The following RALYL variants were observed in gnomAD, a reference collection of about 807,000 sequenced individuals.
RALYL encodes RNA-binding Raly-like protein.
RALYL carries 29 observed loss-of-function variants against 35.1 expected under a neutral mutation model. That is an observed-to-expected ratio of 0.83 (90% CI 0.61 to 1.13). The LOEUF is 1.13. Ranked by LOEUF, RALYL falls within the 50% of genes most tolerant of loss-of-function variation. The pLI, the probability that RALYL is intolerant of heterozygous loss-of-function variation, is 0.00. For missense variants in RALYL, 359 were observed against 360.4 expected (o/e 1.00, Z 0.03); for synonymous variants, 120 against 127.6 (o/e 0.94, Z 0.40).
chr8:84,366,763 C>CAAAAAAAAA (rs1166208925), intron 1 of RALYL, among the ~76,000 whole-genome samples: 4 of 56,656 alleles, frequency 7.1e-5, no homozygotes, highest in African/African-American at 1.5e-4. Flanking sequence ...ATTTTTGTCT[C>CAAAAAAAAA]AAAAAAAAAA....
chr8:84,691,627 C>T (rs1039363913), intron 2 of RALYL, among the ~76,000 whole-genome samples: 1 of 151,920 alleles, frequency 6.6e-6, no homozygotes, highest in East Asian at 1.9e-4. Flanking sequence ...CTTCCTCCCC[C>T]CTCCCCTCAT....
chr8:84,309,776 C>G (rs1842419881), intron 1 of RALYL, among the ~76,000 whole-genome samples: 1 of 152,080 alleles, frequency 6.6e-6, no homozygotes, highest in Non-Finnish European at 1.5e-5. Flanking sequence ...AATCTCAGAG[C>G]TAAGTGGGTG....
chr8:84,392,359 G>C (rs1008692357), intron 1 of RALYL, among the ~76,000 whole-genome samples: 1 of 151,738 alleles, frequency 6.6e-6, no homozygotes, highest in African/African-American at 2.4e-5. Flanking sequence ...GAAATATTTA[G>C]TTCTTTTCTT....
At chr8:84,829,053 G>A (rs934857301) in intron 4 of RALYL, 3 of 152,240 alleles carry the variant, frequency 2.0e-5, no homozygotes, top group Non-Finnish European at 2.9e-5. Flanking sequence ...GAGTTTTAAT[G>A]GACTCGCAGT....
At chr8:84,538,165 T>C (rs1018117383) in intron 2 of RALYL, among the ~76,000 whole-genome samples, 1 of 152,346 alleles carries the variant, frequency 6.6e-6, no homozygotes. Flanking sequence ...CCACATATGA[T>C]AGAAAGCCCG....
intron 2 of RALYL, among the ~76,000 whole-genome samples, chr8:84,692,925 G>A (rs1234286702): frequency 4.6e-5 from 7 of 152,004 alleles, no homozygotes. Context: ...AAGAGGCCAT[G>A]AGCCAAGGGT....
chr8:84,675,511 A>G (rs1197133717), intron 2 of RALYL, among the ~76,000 whole-genome samples: 1 of 152,196 alleles, frequency 6.6e-6, no homozygotes, highest in Non-Finnish European at 1.5e-5. Flanking sequence ...ATACTTGAGG[A>G]ATATTTTCAA....
chr8:84,404,431 A>G (rs1431572505), intron 1 of RALYL, among the ~76,000 whole-genome samples: 1 of 152,076 alleles, frequency 6.6e-6, no homozygotes, highest in Non-Finnish European at 1.5e-5. Flanking sequence ...TGAGATAATC[A>G]TGTGGTTTTT....
intron 2 of RALYL, among the ~76,000 whole-genome samples, chr8:84,606,023 C>T (rs1407725685): frequency 1.3e-5 from 2 of 152,064 alleles, no homozygotes; most frequent in Admixed American, 1.3e-4. Flanking sequence ...AGCCCCTGGG[C>T]CCCATCCTAA....
chr8:84,207,439 C>T (rs1403458596), intron 1 of RALYL, among the ~76,000 whole-genome samples: 1 of 151,884 alleles, frequency 6.6e-6, no homozygotes, highest in Non-Finnish European at 1.5e-5. Flanking sequence ...ACCTGGAGGG[C>T]ATTATGCTGT....
At chr8:84,288,821 A>G (rs1838193262) in intron 1 of RALYL, among the ~76,000 whole-genome samples, 1 of 152,172 alleles carries the variant, frequency 6.6e-6, no homozygotes, top group Admixed American at 6.6e-5. Context: ...ATATTTAAAA[A>G]TTCTTTTTTG....
chr8:84,358,160 T>C (rs1852239051), intron 1 of RALYL, among the ~76,000 whole-genome samples: 2 of 151,994 alleles, frequency 1.3e-5, no homozygotes, highest in African/African-American at 2.4e-5. Context: ...TAAATATGAT[T>C]AGGCATATTT....
chr8:84,184,966 T>C (rs1456598174), intron 1 of RALYL: 1 of 1,613,456 alleles, frequency 6.2e-7, no homozygotes, highest in Non-Finnish European at 8.5e-7. Flanking sequence ...GCACCGGCCC[T>C]CGCACGCTCA....
chr8:84,274,515 A>G (rs1379052299), intron 1 of RALYL, among the ~76,000 whole-genome samples: 1 of 152,134 alleles, frequency 6.6e-6, no homozygotes, highest in Non-Finnish European at 1.5e-5. Context: ...TCATCTTTAA[A>G]GTAAAAGTAG....
At chr8:84,487,006 A>T (rs1197667392) in intron 1 of RALYL, among the ~76,000 whole-genome samples, 1 of 152,052 alleles carries the variant, frequency 6.6e-6, no homozygotes, top group Non-Finnish European at 1.5e-5. Flanking sequence ...CATAGTTAGG[A>T]CCACCACAGG....
chr8:84,484,517 T>G (rs1289166072), intron 1 of RALYL, among the ~76,000 whole-genome samples: 1 of 152,052 alleles, frequency 6.6e-6, no homozygotes, highest in Non-Finnish European at 1.5e-5. Context: ...GTGTGAAATG[T>G]CAGGGTGTGT....
At chr8:84,714,857 G>A (rs1212211675) in intron 2 of RALYL, among the ~76,000 whole-genome samples, 3 of 151,816 alleles carry the variant, frequency 2.0e-5, no homozygotes, top group African/African-American at 4.8e-5. Context: ...TAAAAGCATA[G>A]GGCTGTTACA....
intron 2 of RALYL, among the ~76,000 whole-genome samples, chr8:84,674,082 T>A (rs1247135357): frequency 6.6e-6 from 1 of 152,130 alleles, no homozygotes; most frequent in Non-Finnish European, 1.5e-5. Context: ...TTTGTAGAGA[T>A]CTTTCACTTT....
intron 8 of RALYL, among the ~76,000 whole-genome samples, chr8:84,889,454 T>C (rs1003168167): frequency 1.3e-5 from 2 of 152,192 alleles, no homozygotes; most frequent in Admixed American, 6.5e-5. Context: ...ATTTACCACT[T>C]GCTCATTATC....
Sources: allele counts gnomAD v4.1 joint callset (sites outside exome capture counted in the v4.1 genomes callset), GRCh38; gene constraint gnomAD v4.1.1; transcripts MANE v1.5; gene names NCBI Gene and HGNC (gene_info 2026-07-23, HGNC 2026-07-21).